The following ZNF578 variants were observed in gnomAD, a reference collection of about 807,000 sequenced individuals.
The protein encoded by ZNF578 is zinc finger protein 578.
Under a neutral mutation model 8.3 loss-of-function variants are expected in ZNF578, and 8 were observed. The observed-to-expected ratio is 0.96, with a 90% CI of 0.56 to 1.74. The LOEUF is 1.74. Ranked by LOEUF, ZNF578 falls within the 40% of genes most tolerant of loss-of-function variation. ZNF578 has a pLI of 0.00. For missense variants in ZNF578, 726 were observed against 707.5 expected, an observed-to-expected ratio of 1.03 and a Z score of -0.30; for synonymous variants, 206 against 232.2, an observed-to-expected ratio of 0.89 and a Z score of 1.03.
At position 52,515,298 on chromosome 19, in the gene ZNF578, T is replaced by G. The variant is rs1227273451; in HGVS notation, c.*3144T>G. Among the ~76,000 whole-genome samples, 1 of 152,146 alleles carries G rather than the reference T, an allele frequency of 6.6e-6. No homozygotes were observed. Among genetic ancestry groups the G allele is most frequent in the Non-Finnish European group, 1.5e-5 (1 of 68,014 alleles). ...TTCTTGATTGAAATAATTTGCTTAT[T>G]TCTTAGTTCTACAGCTGACCCTCTT... On this transcript the variant is annotated 3_prime_UTR_variant, in exon 6 of 6. Coordinates refer to ENST00000421239, the MANE Select transcript of ZNF578 (RefSeq NM_001099694.2).
At position 52,515,681 on chromosome 19, in the gene ZNF578, T is replaced by A. The variant is rs73584893; in HGVS notation, c.*3527T>A. On this transcript the variant is annotated 3_prime_UTR_variant, in exon 6 of 6. Coordinates refer to ENST00000421239, the MANE Select transcript of ZNF578 (RefSeq NM_001099694.2). The stretch of plus-strand genomic sequence containing the variant: ...TGACCAGAAAAGGTCAACCCGAGTG[T>A]CCCTGACCGTTGAAATGATTGGCAA... Among the ~76,000 whole-genome samples, 654 of 151,290 alleles carry A rather than the reference T, an allele frequency of 4.3e-3. 5 individuals are homozygous for A. Among genetic ancestry groups the A allele is most frequent in the East Asian group, 0.023 (117 of 5,110 alleles).
chr19:52,482,097 G>T (rs2059328578), intron 2 of ZNF578, among the ~76,000 whole-genome samples: 1 of 152,140 alleles, frequency 6.6e-6, no homozygotes, highest in Non-Finnish European at 1.5e-5. Context: ...GCAATGGTAT[G>T]ATCTCAGCTC....
chr19:52,468,597 T>G (rs557920750), intron 2 of ZNF578, among the ~76,000 whole-genome samples: 113 of 152,254 alleles, frequency 7.4e-4, no homozygotes, highest in African/African-American at 2.7e-3. Flanking sequence ...TTGAAGGATA[T>G]CTAGATGGCT....
At chr19:52,498,684 C>CTTGTTTTTTTTTTTT (rs2059395923) in intron 3 of ZNF578, among the ~76,000 whole-genome samples, 1 of 106,852 alleles carries the variant, frequency 9.4e-6, no homozygotes, top group Non-Finnish European at 1.8e-5. Context: ...CGCCTGGCCG[C>CTTGTTTTTTTTTTTT]TTTTTTTTTT....
chr19:52,501,930 G>A (rs779192665), intron 4 of ZNF578, 22 bp downstream of exon 4: 2 of 1,609,828 alleles, frequency 1.2e-6, no homozygotes, highest in Non-Finnish European at 8.5e-7. Flanking sequence ...TTCCTCTGTG[G>A]ATTAATCTGT....
At chr19:52,495,223 G>C (rs2059381742) in intron 3 of ZNF578, among the ~76,000 whole-genome samples, 1 of 137,352 alleles carries the variant, frequency 7.3e-6, no homozygotes, top group South Asian at 2.3e-4. Context: ...GGAGTGCAAG[G>C]GCACGATCTT....
chr19:52,500,671 C>A (rs2059403648), intron 3 of ZNF578, among the ~76,000 whole-genome samples: 2 of 152,006 alleles, frequency 1.3e-5, no homozygotes, highest in Admixed American at 1.3e-4. Context: ...TCCTGAGCCA[C>A]TATGCTGGGT....
chr19:52,505,345 A>C (rs369846214), intron 5 of ZNF578, among the ~76,000 whole-genome samples: 3 of 152,338 alleles, frequency 2.0e-5, no homozygotes, highest in Admixed American at 6.5e-5. Context: ...CATATGTATG[A>C]GGCTGTTGAC....
intron 2 of ZNF578, among the ~76,000 whole-genome samples, chr19:52,482,095 A>G (rs1241476261): frequency 2.6e-5 from 4 of 152,148 alleles, no homozygotes; most frequent in Admixed American, 2.6e-4. Flanking sequence ...GTGCAATGGT[A>G]TGATCTCAGC....
rs1008896021 is a variant in ZNF578, at chr19:52,468,197, A to G, written c.-122+11239A>G. Among the ~76,000 whole-genome samples, 20 of 152,340 alleles carry G rather than the reference A, an allele frequency of 1.3e-4. No individual in the cohort carries two copies. In the East Asian group the frequency reaches 2.7e-3, roughly 21 times the overall value. Reference sequence around the variant, plus strand: ...ACCAGAGAACATTTTGCTTAATACCATAATCAAAAATGACATTTCTGTAGC... The same window carrying G: ...ACCAGAGAACATTTTGCTTAATACCGTAATCAAAAATGACATTTCTGTAGC... On this transcript the variant is annotated intron_variant, in intron 2 of 5. Coordinates refer to ENST00000421239, the MANE Select transcript of ZNF578 (RefSeq NM_001099694.2).
chr19:52,492,748 C>T (rs1431571118), intron 3 of ZNF578: 4 of 152,282 alleles, frequency 2.6e-5, no homozygotes, highest in Non-Finnish European at 5.9e-5. Context: ...CGCGCTCCGA[C>T]CCTACCCCGC....
chr19:52,503,840 C>T (rs1231202513), intron 4 of ZNF578, among the ~76,000 whole-genome samples: 2 of 143,556 alleles, frequency 1.4e-5, no homozygotes, highest in African/African-American at 5.1e-5. Context: ...GCTCTGTTGC[C>T]AGGCTAAAGT....
intron 2 of ZNF578, among the ~76,000 whole-genome samples, chr19:52,464,379 C>T (rs578158487): frequency 1.3e-5 from 2 of 152,302 alleles, no homozygotes; most frequent in South Asian, 4.1e-4. Context: ...AGAGATTAGA[C>T]ATAGCATAAG....
chr19:52,504,913 G>T (rs1221576737), intron 5 of ZNF578, 132 bp downstream of exon 5: 11 of 1,194,026 alleles, frequency 9.2e-6, no homozygotes, highest in Non-Finnish European at 1.2e-5. Context: ...GGTTTGAGAT[G>T]GATCTTTGCT....
intron 5 of ZNF578, among the ~76,000 whole-genome samples, chr19:52,509,832 A>G (rs1014512838): frequency 6.6e-6 from 1 of 151,972 alleles, no homozygotes; most frequent in African/African-American, 2.4e-5. Context: ...ATGTAATTTT[A>G]TGACATTTAT....
chr19:52,489,049 C>T (rs1335425116), intron 2 of ZNF578, among the ~76,000 whole-genome samples: 10 of 151,692 alleles, frequency 6.6e-5, no homozygotes, highest in South Asian at 2.1e-4. Flanking sequence ...CAGTGAGCCA[C>T]GATCGCACCA....
intron 5 of ZNF578, among the ~76,000 whole-genome samples, chr19:52,505,457 C>CT (rs1313370660): frequency 6.6e-6 from 1 of 152,124 alleles, no homozygotes; most frequent in Non-Finnish European, 1.5e-5. Flanking sequence ...CAGTCTCGCT[C>CT]TTTCACCCAG....
rs2059423132 is a variant in ZNF578 at position 52,505,641 on chromosome 19, CT to C, written c.190+861del. Reference sequence around the variant, plus strand: ...GGGTTTCACCGTGTTAGCCAAGATGCTCTCGATCTCCTGACCTTGTGATCCA... The same window carrying C: ...GGGTTTCACCGTGTTAGCCAAGATGCCTCGATCTCCTGACCTTGTGATCCA... On this transcript the variant is annotated intron_variant, in intron 5 of 5. Coordinates refer to ENST00000421239, the MANE Select transcript of ZNF578 (RefSeq NM_001099694.2). Among the ~76,000 whole-genome samples, 3 of 152,026 alleles carry C rather than the reference CT, an allele frequency of 2.0e-5. No individual in the cohort carries two copies. The South Asian group carries it at 6.2e-4, about 32-fold the overall frequency.
chr19:52,510,802 C>A lies in ZNF578; in HGVS notation c.421C>A (p.Arg141=), dbSNP rs193283387. 1.2e-6 allele frequency: 2 copies of A among 1,614,044 alleles called. No individual in the cohort carries two copies. The highest frequency in any genetic ancestry group is 2.2e-5 in the East Asian group (1 of 44,876). The part of the protein sequence containing the change: ...KIKELMGSTD[R]HDQRHAGNKP... ...CAAAGAGTTGATGGGTAGCACAGACCGACATGATCAAAGGCATGCTGGAAA... is the reference window on the plus strand; with the variant it reads ...CAAAGAGTTGATGGGTAGCACAGACAGACATGATCAAAGGCATGCTGGAAA... Residue 141 remains arginine, a synonymous_variant, in exon 6 of 6, where the codon CGA becomes AGA. Coordinates refer to ENST00000421239, the MANE Select transcript of ZNF578 (RefSeq NM_001099694.2).
Sources: gnomAD v4.1 joint callset for allele counts (sites outside exome capture counted in the v4.1 genomes callset) on GRCh38, gnomAD v4.1.1 for gene constraint, MANE v1.5 for transcripts, NCBI Gene and HGNC (gene_info 2026-07-23, HGNC 2026-07-21) for gene names.